PSMD9: variants seen among roughly 807,000 people sequenced by gnomAD.
PSMD9 encodes 26S proteasome non-ATPase regulatory subunit 9.
In PSMD9, 26 loss-of-function variants were observed where a neutral mutation model predicts 25.9. The ratio of observed to expected loss-of-function variants is 1.00; its 90% confidence interval spans 0.73 to 1.39. PSMD9 has a LOEUF of 1.39. Among genes scored for constraint, PSMD9 ranks in the 40% most tolerant of loss-of-function variants. The probability of loss-of-function intolerance (pLI) is 0.00; values close to 1 mark genes in which losing one functional copy is unlikely to be tolerated. For missense variants in PSMD9, 303 were observed against 299.3 expected (o/e 1.01, Z -0.09); for synonymous variants, 110 against 114.5 (o/e 0.96, Z 0.25).
At chr12:121,907,267 A>C (rs1467944988) in intron 4 of PSMD9, among the ~76,000 whole-genome samples, 1 of 151,696 alleles carries the variant, frequency 6.6e-6, no homozygotes, top group Non-Finnish European at 1.5e-5. Flanking sequence ...ATGGGGTTTC[A>C]CCATGTTGGC....
At chr12:121,913,269 C>T (rs1251788308) in intron 4 of PSMD9, among the ~76,000 whole-genome samples, 101 of 149,572 alleles carry the variant, frequency 6.8e-4, no homozygotes, top group African/African-American at 1.6e-3. Context: ...TTAGTAGAGA[C>T]GGGGTTTCAC....
chr12:121,910,490 G>A (rs1332050042), intron 4 of PSMD9, among the ~76,000 whole-genome samples: 4 of 151,634 alleles, frequency 2.6e-5, no homozygotes, highest in East Asian at 1.9e-4. Context: ...GGCCGGGCGC[G>A]GTGGCTCACG....
rs973709641 is a variant in PSMD9 at position 121,918,104 on chromosome 12, T to C, written c.*1793T>C. On this transcript the variant is annotated 3_prime_UTR_variant, in exon 6 of 6. Coordinates refer to ENST00000541212, the MANE Select transcript of PSMD9 (RefSeq NM_002813.7). This position sits in a 1 kb window ranked among gnomAD's most constrained non-coding sequence, Gnocchi z 4.3. ...CCACTTTGACGTGGAATGATCCTAA[T>C]AGATATAGCCAGACCGGTTTTGCGG... 3.9e-5 allele frequency: 6 copies of C among 152,188 alleles called. No individual in the cohort carries two copies. The highest frequency in any genetic ancestry group is 1.2e-4 in the African/African-American group (5 of 41,454). The allele number at this position is 152,188 out of a possible 1,614,324, so 9.4% of individuals were successfully genotyped here.
chr12:121,916,768 A>C lies in PSMD9; in HGVS notation c.*457A>C. The C allele has an allele frequency of 6.0e-6, 1 of 167,738 alleles. No individual in the cohort carries two copies. Among genetic ancestry groups the C allele is most frequent in the Non-Finnish European group, 1.3e-5 (1 of 75,960 alleles). The allele number at this position is 167,738 out of a possible 1,614,324, so 10.4% of individuals were successfully genotyped here. A position where few individuals can be genotyped will look rare whatever the true frequency, so the allele number is the denominator to read the frequency against. On this transcript the variant is annotated 3_prime_UTR_variant, in exon 6 of 6. Coordinates refer to ENST00000541212, the MANE Select transcript of PSMD9 (RefSeq NM_002813.7). ...CAATTGCAAAGTCAGGCTTTGACCA[A>C]CATATTTCTTTGCACTGAGGCCTTG... is the stretch of plus-strand genomic sequence containing the variant.
intron 4 of PSMD9, among the ~76,000 whole-genome samples, chr12:121,907,724 A>G (rs1879601360): frequency 6.6e-6 from 1 of 152,230 alleles, no homozygotes; most frequent in African/African-American, 2.4e-5. Flanking sequence ...GGTGAATTTT[A>G]TTGTATGCAA....
intron 1 of PSMD9, among the ~76,000 whole-genome samples, chr12:121,891,722 A>G (rs530217004): frequency 2.6e-5 from 4 of 152,166 alleles, no homozygotes; most frequent in South Asian, 4.1e-4. Context: ...CCTGGCCAAC[A>G]TGGTGAAACC....
chr12:121,901,005 AAAG>A (rs1274734206), intron 3 of PSMD9, among the ~76,000 whole-genome samples: 1 of 151,208 alleles, frequency 6.6e-6, no homozygotes, highest in East Asian at 1.9e-4. Context: ...AAAAAAAAAA[AAAG>A]GAGATGGGGT....
chr12:121,902,118 G>A (rs74240727), intron 3 of PSMD9: 2 of 152,142 alleles, frequency 1.3e-5, no homozygotes, highest in Non-Finnish European at 2.9e-5. Flanking sequence ...GAACATTCTT[G>A]TACAGTTTTT....
intron 4 of PSMD9, among the ~76,000 whole-genome samples, chr12:121,904,888 C>T (rs1176677324): frequency 1.3e-5 from 2 of 151,380 alleles, no homozygotes. Flanking sequence ...AAACTGGCCT[C>T]CCAAAGTGCT....
intron 1 of PSMD9, among the ~76,000 whole-genome samples, chr12:121,889,922 T>C (rs1415731515): frequency 6.7e-6 from 1 of 148,240 alleles, no homozygotes; most frequent in East Asian, 2.0e-4. Flanking sequence ...ATGAAGTTTC[T>C]TTTTTTTTTG....
chr12:121,915,790 G>A, intron 4 of PSMD9, 66 bp from the exon 5 acceptor site: 1 of 1,338,384 alleles, frequency 7.5e-7, no homozygotes, highest in Non-Finnish European at 1.0e-6. Context: ...TGGGATCTCA[G>A]CATTTTAGCC....
Position 121,903,045 on chromosome 12 carries a change from G to C in PSMD9, c.493G>C (p.Val165Leu), listed in dbSNP as rs1358393472. 5 of 1,614,146 alleles carry C rather than the reference G, an allele frequency of 3.1e-6. No individual in the cohort carries two copies. Among genetic ancestry groups the C allele is most frequent in the Non-Finnish European group, 4.2e-6 (5 of 1,180,014 alleles). The change falls in exon 4 of 6, where the codon GTG becomes CTG. Residue 165 changes from valine (V) to leucine (L), a missense_variant. Transcript: ENST00000541212. The part of the protein sequence containing the change: ...VDDEIVEFGS[V>L]NTQNFQSLHN... ...TGATGAGATTGTGGAGTTCGGCTCT[G>C]TGAACACCCAGAACTTCCAGTCACT...
Position 121,888,807 on chromosome 12 carries a change from C to T in PSMD9, c.-50C>T, listed in dbSNP as rs1184899344. On this transcript the variant is annotated 5_prime_UTR_variant, in exon 1 of 6. Transcript: ENST00000541212. ...CCGTAGTTACGGTCGACTGGGGCGT[C>T]GTCCCTAGCCCGGGAGCCGGGTCTC... 87 of 1,568,454 alleles carry T rather than the reference C, an allele frequency of 5.5e-5. No homozygotes were observed. Among genetic ancestry groups the T allele is most frequent in the Non-Finnish European group, 6.7e-5 (78 of 1,157,788 alleles).
At chr12:121,903,161 CA>C in intron 4 of PSMD9, 54 bp downstream of exon 4, 1 of 1,435,234 alleles carries the variant, frequency 7.0e-7, no homozygotes. Flanking sequence ...AACAGTATGC[CA>C]TAGACTGCGT....
intron 2 of PSMD9, chr12:121,898,631 C>A: frequency 6.6e-6 from 1 of 152,256 alleles, no homozygotes; most frequent in Non-Finnish European, 1.5e-5. Flanking sequence ...ACCTCCACCT[C>A]CTGGGTTCAA....
intron 4 of PSMD9, among the ~76,000 whole-genome samples, chr12:121,912,010 T>C (rs540426800): frequency 5.2e-4 from 27 of 51,852 alleles, no homozygotes; most frequent in Non-Finnish European, 1.0e-3. Context: ...AGCTTGCTTA[T>C]TTATTTATTT....
chr12:121,913,038 G>A (rs1299109763), intron 4 of PSMD9, among the ~76,000 whole-genome samples: 2 of 150,480 alleles, frequency 1.3e-5, no homozygotes, highest in Admixed American at 6.6e-5. Context: ...CTGGGTTGAC[G>A]CCATTCTCCT....
At chr12:121,891,317 AAG>A (rs1365290554) in intron 1 of PSMD9, among the ~76,000 whole-genome samples, 4 of 139,092 alleles carry the variant, frequency 2.9e-5, no homozygotes, top group Non-Finnish European at 4.6e-5. Context: ...AAAAAAAAAA[AAG>A]GCCGGGTGCG....
intron 2 of PSMD9, chr12:121,899,373 A>G (rs1231913186): frequency 6.5e-6 from 3 of 463,320 alleles, no homozygotes; most frequent in Non-Finnish European, 1.2e-5. Flanking sequence ...CATATCCTAG[A>G]CTAGCGAGGG....
Sources: allele counts gnomAD v4.1 joint callset (sites outside exome capture counted in the v4.1 genomes callset), GRCh38; gene constraint gnomAD v4.1.1; non-coding constraint Gnocchi (gnomAD v3.1); transcripts MANE v1.5; gene names NCBI Gene and HGNC (gene_info 2026-07-23, HGNC 2026-07-21).